Variants in SHISA6 observed in about 807,000 individuals in gnomAD.
The protein encoded by SHISA6 is protein shisa-6.
Under a neutral mutation model 47.9 loss-of-function variants are expected in SHISA6, and 22 were observed. The observed-to-expected ratio is 0.46, with a 90% confidence interval of 0.33 to 0.66. The LOEUF is 0.66. SHISA6 is among the 30% of genes least tolerant of loss of function. The pLI is 0.02. For synonymous variants in SHISA6, 388 were observed against 337.8 expected, an observed-to-expected ratio of 1.15 and a Z score of -1.63; for missense variants, 680 against 764.6, an observed-to-expected ratio of 0.89 and a Z score of 1.30.
At chr17:11,257,064 G>A (rs1282363178) in intron 1 of SHISA6, among the ~76,000 whole-genome samples, 1 of 152,164 alleles carries the variant, frequency 6.6e-6, no homozygotes, top group East Asian at 1.9e-4. Context: ...CAATGCAGAT[G>A]CACAGACATT....
At chr17:11,524,967 G>C (rs868862508) in intron 3 of SHISA6, among the ~76,000 whole-genome samples, 2 of 152,228 alleles carry the variant, frequency 1.3e-5, no homozygotes, top group Middle Eastern at 3.4e-3. Context: ...ATGACGGGGG[G>C]GTAGATGATC....
chr17:11,300,530 C>T (rs1449745566), intron 2 of SHISA6, among the ~76,000 whole-genome samples: 2 of 152,218 alleles, frequency 1.3e-5, no homozygotes, highest in East Asian at 1.9e-4. Flanking sequence ...CAGTTTTGAT[C>T]TCTAAGTTTT....
chr17:11,488,842 C>G (rs1385975050), intron 3 of SHISA6, among the ~76,000 whole-genome samples: 2 of 152,186 alleles, frequency 1.3e-5, no homozygotes, highest in East Asian at 3.8e-4. Context: ...TAGTCATATT[C>G]ACTTCTGAAG....
chr17:11,512,518 G>T (rs539006126), intron 3 of SHISA6, among the ~76,000 whole-genome samples: 3 of 151,870 alleles, frequency 2.0e-5, no homozygotes, highest in African/African-American at 7.2e-5. Flanking sequence ...TCTTTTTTTT[G>T]AAATTGTATT....
At chr17:11,489,716 C>G (rs1482605020) in intron 3 of SHISA6, among the ~76,000 whole-genome samples, 3 of 152,082 alleles carry the variant, frequency 2.0e-5, no homozygotes, top group Non-Finnish European at 4.4e-5. Context: ...AGTTTTCAAC[C>G]GGGGGCCAGT....
chr17:11,525,624 T>C (rs2071669439), intron 3 of SHISA6, among the ~76,000 whole-genome samples: 1 of 76,236 alleles, frequency 1.3e-5, no homozygotes, highest in Non-Finnish European at 2.2e-5. Context: ...AGAGCAAGAC[T>C]CCGTCTCAAA....
At chr17:11,525,565 G>A (rs1014503585) in intron 3 of SHISA6, among the ~76,000 whole-genome samples, 5 of 146,994 alleles carry the variant, frequency 3.4e-5, no homozygotes, top group African/African-American at 1.0e-4. Flanking sequence ...CCCGGGAGGT[G>A]GAAGTTGCAG....
At chr17:11,369,930 G>A (rs1046268949) in intron 2 of SHISA6, among the ~76,000 whole-genome samples, 1 of 152,206 alleles carries the variant, frequency 6.6e-6, no homozygotes, top group Non-Finnish European at 1.5e-5. Context: ...CACATTGAAT[G>A]TGCCCAGGGC....
chr17:11,326,729 G>A (rs1208572217), intron 2 of SHISA6, among the ~76,000 whole-genome samples: 1 of 152,226 alleles, frequency 6.6e-6, no homozygotes, highest in Admixed American at 6.5e-5. Flanking sequence ...GAAATCCTCT[G>A]TCCTTGGAGG....
At chr17:11,399,130 G>A (rs1172640634) in intron 3 of SHISA6, among the ~76,000 whole-genome samples, 1 of 152,150 alleles carries the variant, frequency 6.6e-6, no homozygotes, top group Non-Finnish European at 1.5e-5. Context: ...AATTAAGGCT[G>A]GGGCTGTCTG....
chr17:11,526,510 A>G (rs1168389524), intron 3 of SHISA6, among the ~76,000 whole-genome samples: 1 of 152,040 alleles, frequency 6.6e-6, no homozygotes, highest in Non-Finnish European at 1.5e-5. Context: ...AGACAAAATC[A>G]TTTTACCCTG....
chr17:11,522,704 G>A (rs1037954401), intron 3 of SHISA6, among the ~76,000 whole-genome samples: 3 of 152,164 alleles, frequency 2.0e-5, no homozygotes, highest in African/African-American at 4.8e-5. Context: ...GGCCTCAAGC[G>A]ATCCTCCCGC....
intron 2 of SHISA6, among the ~76,000 whole-genome samples, chr17:11,297,255 A>G (rs1250295011): frequency 6.6e-6 from 1 of 152,132 alleles, no homozygotes; most frequent in Non-Finnish European, 1.5e-5. Context: ...GTGAAATCCA[A>G]GAGAAGTTGA....
chr17:11,307,043 A>AC (rs1410325964), intron 2 of SHISA6, among the ~76,000 whole-genome samples: 13 of 151,810 alleles, frequency 8.6e-5, no homozygotes, highest in Non-Finnish European at 1.6e-4. Context: ...GTTTCTCGCA[A>AC]CCCCCCAGTG....
intron 3 of SHISA6, among the ~76,000 whole-genome samples, chr17:11,441,098 CCTT>C (rs979571006): frequency 1.3e-5 from 2 of 152,150 alleles, no homozygotes; most frequent in Admixed American, 1.3e-4. Context: ...ACAAAAAAAA[CCTT>C]CTTCCCTCCA....
intron 2 of SHISA6, among the ~76,000 whole-genome samples, chr17:11,361,658 A>G (rs1012818505): frequency 6.6e-6 from 1 of 152,220 alleles, no homozygotes; most frequent in Non-Finnish European, 1.5e-5. Context: ...GCACTTCCCT[A>G]TGTGTGGATA....
chr17:11,253,581 A>G (rs1004095094), intron 1 of SHISA6, among the ~76,000 whole-genome samples: 3 of 152,104 alleles, frequency 2.0e-5, no homozygotes, highest in African/African-American at 7.2e-5. Flanking sequence ...CATTTCCTTT[A>G]AAGTGTTTTG....
chr17:11,278,780 C>G (rs1305754001), intron 2 of SHISA6, among the ~76,000 whole-genome samples: 1 of 152,210 alleles, frequency 6.6e-6, no homozygotes, highest in Non-Finnish European at 1.5e-5. Flanking sequence ...GATTTATCAC[C>G]GTGGCTTAGA....
At chr17:11,413,624 G>C (rs1025199549) in intron 3 of SHISA6, among the ~76,000 whole-genome samples, 3 of 152,070 alleles carry the variant, frequency 2.0e-5, no homozygotes, top group African/African-American at 7.2e-5. Context: ...TGGCAGACTG[G>C]ATCAGCCTCT....
Sources: allele counts gnomAD v4.1 joint callset (sites outside exome capture counted in the v4.1 genomes callset), GRCh38; gene constraint gnomAD v4.1.1; transcripts MANE v1.5; gene names NCBI Gene and HGNC (gene_info 2026-07-23, HGNC 2026-07-21).